The following CDK6 variants were observed in gnomAD, a reference collection of about 807,000 sequenced individuals.
CDK6 encodes cyclin-dependent kinase 6.
CDK6 carries 6 observed loss-of-function variants against 37.1 expected under a neutral mutation model. The observed-to-expected ratio is 0.16, with a 90% confidence interval of 0.09 to 0.32. CDK6 has a LOEUF of 0.32. Ranked by LOEUF, CDK6 falls within the 10% of genes least tolerant of loss-of-function variation. The probability of loss-of-function intolerance (pLI) is 1.00; values close to 1 mark genes in which losing one functional copy is unlikely to be tolerated. For missense variants in CDK6, 224 were observed against 418.9 expected, an observed-to-expected ratio of 0.53 and a Z score of 4.06; for synonymous variants, 160 against 161.3, an observed-to-expected ratio of 0.99 and a Z score of 0.06.
At chr7:92,691,627 A>C (rs534839217) in intron 4 of CDK6, among the ~76,000 whole-genome samples, 3 of 152,348 alleles carry the variant, frequency 2.0e-5, no homozygotes, top group Non-Finnish European at 4.4e-5. Context: ...GTCTAAGGCA[A>C]TACCATCATA....
intron 3 of CDK6, among the ~76,000 whole-genome samples, chr7:92,746,936 T>C (rs1799074667): frequency 1.3e-5 from 2 of 152,184 alleles, no homozygotes; most frequent in African/African-American, 4.8e-5. Context: ...TTTGCTGGAT[T>C]GTATTTTGTA....
intron 5 of CDK6, among the ~76,000 whole-genome samples, chr7:92,647,895 T>C (rs995268438): frequency 6.6e-6 from 1 of 152,202 alleles, no homozygotes; most frequent in South Asian, 2.1e-4. Flanking sequence ...GTAGAGACAC[T>C]AACTGCATTT....
At chr7:92,813,455 A>T (rs1274396654) in intron 2 of CDK6, among the ~76,000 whole-genome samples, 1 of 152,196 alleles carries the variant, frequency 6.6e-6, no homozygotes, top group Admixed American at 6.5e-5. Context: ...GTTAAAATGA[A>T]AACGTTCTCA....
At chr7:92,628,339 T>C (rs1795977149) in intron 5 of CDK6, among the ~76,000 whole-genome samples, 1 of 150,418 alleles carries the variant, frequency 6.6e-6, no homozygotes, top group Admixed American at 6.7e-5. Flanking sequence ...ACATATATGA[T>C]CTGTTCACCT....
chr7:92,677,634 T>G (rs1797235974), intron 4 of CDK6, among the ~76,000 whole-genome samples: 1 of 152,188 alleles, frequency 6.6e-6, no homozygotes, highest in Non-Finnish European at 1.5e-5. Flanking sequence ...CTACTATATT[T>G]TGCAATAGAT....
chr7:92,644,216 G>C (rs1796386109), intron 5 of CDK6, among the ~76,000 whole-genome samples: 1 of 152,156 alleles, frequency 6.6e-6, no homozygotes, highest in Non-Finnish European at 1.5e-5. Flanking sequence ...AGAGATACTG[G>C]AGATTACTCT....
chr7:92,653,112 ATCCTTGTAGG>A (rs1796613240), intron 5 of CDK6, among the ~76,000 whole-genome samples: 2 of 152,204 alleles, frequency 1.3e-5, no homozygotes, highest in Non-Finnish European at 2.9e-5. Flanking sequence ...AACGTATTTT[ATCCTTGTAGG>A]TTCTTTTCTT....
intron 4 of CDK6, among the ~76,000 whole-genome samples, chr7:92,712,368 T>C (rs1262922314): frequency 2.0e-5 from 3 of 152,144 alleles, no homozygotes; most frequent in Non-Finnish European, 2.9e-5. Context: ...GAATTAAAAA[T>C]AAAGCAATTG....
chr7:92,680,329 G>T (rs1180409648), intron 4 of CDK6, among the ~76,000 whole-genome samples: 1 of 150,210 alleles, frequency 6.7e-6, no homozygotes. Flanking sequence ...CTATTCAGGA[G>T]GCTGAGGCAG....
intron 4 of CDK6, among the ~76,000 whole-genome samples, chr7:92,675,181 GCTGA>G (rs925631582): frequency 2.6e-5 from 4 of 152,102 alleles, no homozygotes; most frequent in Admixed American, 2.0e-4. Context: ...CTTTAGTAAG[GCTGA>G]CTGTCTTCAT....
chr7:92,802,007 C>T (rs1281321758), intron 2 of CDK6, among the ~76,000 whole-genome samples: 1 of 147,898 alleles, frequency 6.8e-6, no homozygotes, highest in African/African-American at 2.5e-5. Context: ...TCCCTCCCTC[C>T]CTTCCCTCCT....
intron 3 of CDK6, among the ~76,000 whole-genome samples, chr7:92,745,431 T>G (rs970186697): frequency 3.9e-5 from 6 of 152,166 alleles, no homozygotes; most frequent in Admixed American, 3.9e-4. Flanking sequence ...TCGAGGATTT[T>G]CATGCCTGCC....
rs1031584698 is a variant in CDK6, at chr7:92,753,612, C to T, written c.369+21084G>A. 2.0e-5 allele frequency among the ~76,000 whole-genome samples: 3 copies of T among 152,102 alleles called. No individual in the cohort carries two copies. The East Asian group carries it at 5.8e-4, about 29-fold the overall frequency. On this transcript the variant is annotated intron_variant, in intron 3 of 7. Coordinates refer to ENST00000424848, the MANE Select transcript of CDK6 (RefSeq NM_001145306.2). ...GGTTCAAGCGATTCTCCTGCCTCAG[C>T]CTCCCGAGTAGCTGGGATTACAGGT... is the stretch of plus-strand genomic sequence containing the variant.
At chr7:92,763,035 A>T (rs1449644766) in intron 3 of CDK6, among the ~76,000 whole-genome samples, 4 of 152,252 alleles carry the variant, frequency 2.6e-5, no homozygotes, top group African/African-American at 4.8e-5. Context: ...AAGTGGTATG[A>T]CTATACTACA....
At chr7:92,695,145 T>C (rs889540340) in intron 4 of CDK6, among the ~76,000 whole-genome samples, 4 of 151,934 alleles carry the variant, frequency 2.6e-5, no homozygotes, top group African/African-American at 9.7e-5. Flanking sequence ...TAAATGGCAG[T>C]GTAAATATAC....
chr7:92,810,844 G>A lies in CDK6; in HGVS notation c.233+22247C>T, dbSNP rs3731280. On this transcript the variant is annotated intron_variant, in intron 2 of 7. Transcript: ENST00000424848. ...TCCCAGCACTTTGGGAGGCTGAGGT[G>A]GGCGGATCACGAGGTCAAGAGATTG... 1.3e-3 allele frequency among the ~76,000 whole-genome samples: 198 copies of A among 152,194 alleles called. 1 individual carries two copies. Among genetic ancestry groups the A allele is most frequent in the African/African-American group, 4.1e-3 (171 of 41,526 alleles).
At chr7:92,763,850 C>T (rs1799515943) in intron 3 of CDK6, among the ~76,000 whole-genome samples, 1 of 152,088 alleles carries the variant, frequency 6.6e-6, no homozygotes, top group South Asian at 2.1e-4. Context: ...TGTCTGGTGT[C>T]ACCAGAGGGT....
At chr7:92,727,849 A>T (rs577896896) in intron 3 of CDK6, among the ~76,000 whole-genome samples, 16 of 152,318 alleles carry the variant, frequency 1.1e-4, no homozygotes, top group African/African-American at 3.8e-4. Context: ...AGGAGTGTGA[A>T]AATGTAGCAC....
chr7:92,829,968 A>C (rs1179893780), intron 2 of CDK6, among the ~76,000 whole-genome samples: 1 of 152,246 alleles, frequency 6.6e-6, no homozygotes, highest in East Asian at 1.9e-4. Flanking sequence ...AGTCTGGCAC[A>C]TAGTGGACCC....
Sources: allele counts gnomAD v4.1 joint callset (sites outside exome capture counted in the v4.1 genomes callset), GRCh38; gene constraint gnomAD v4.1.1; transcripts MANE v1.5; gene names NCBI Gene and HGNC (gene_info 2026-07-23, HGNC 2026-07-21).